Variants in MAP3K7 observed in about 807,000 individuals in gnomAD.
MAP3K7 encodes mitogen-activated protein kinase kinase kinase 7.
Under a neutral mutation model 84.8 loss-of-function variants are expected in MAP3K7, and 21 were observed. That is an observed-to-expected ratio of 0.25 (90% confidence interval 0.18 to 0.36). MAP3K7 has a LOEUF of 0.36. Ranked by LOEUF, MAP3K7 falls within the 10% of genes least tolerant of loss-of-function variation. The probability of loss-of-function intolerance (pLI) is 1.00; values close to 1 mark genes in which losing one functional copy is unlikely to be tolerated. For synonymous variants in MAP3K7, 241 were observed against 247.7 expected, an observed-to-expected ratio of 0.97 and a Z score of 0.25; for missense variants, 503 against 747.7, an observed-to-expected ratio of 0.67 and a Z score of 3.82.
intron 9 of MAP3K7, among the ~76,000 whole-genome samples, chr6:90,549,164 T>C (rs924505097): frequency 2.0e-5 from 3 of 151,944 alleles, no homozygotes; most frequent in African/African-American, 4.8e-5. Context: ...GAAGTATGGA[T>C]AGTTTAGCCA....
At chr6:90,527,757 C>T (rs1333391466) in intron 13 of MAP3K7, among the ~76,000 whole-genome samples, 2 of 151,132 alleles carry the variant, frequency 1.3e-5, no homozygotes, top group East Asian at 2.0e-4. Context: ...CACAAGTGCT[C>T]ATTTTATTTT....
At position 90,550,797 on chromosome 6, in the gene MAP3K7, TATGAA is replaced by T. The variant is rs1465093883; in HGVS notation, c.868-253_868-249del. Reference sequence around the variant, plus strand: ...CAGCAAATATTTCTCTAGAGAAACATATGAAATAAAATAGTATCATTTCTCATAAT... The same window carrying T: ...CAGCAAATATTTCTCTAGAGAAACATATAAAATAGTATCATTTCTCATAAT... On this transcript the variant is annotated intron_variant, in intron 8 of 16. Transcript: ENST00000369329. 9.1e-6 allele frequency: 3 copies of T among 329,804 alleles called. No homozygotes were observed. The Admixed American group carries it at 1.3e-4, about 15-fold the overall frequency. 20.4% of individuals were successfully genotyped at this position (329,804 alleles called of 1,614,324 possible).
intron 12 of MAP3K7, among the ~76,000 whole-genome samples, chr6:90,540,991 G>A (rs1452876173): frequency 3.3e-5 from 5 of 151,928 alleles, no homozygotes; most frequent in Admixed American, 2.0e-4. Flanking sequence ...GAAGGTGGGT[G>A]AAAAATAGAT....
At chr6:90,534,972 G>A (rs755875383) in intron 13 of MAP3K7, among the ~76,000 whole-genome samples, 12 of 151,966 alleles carry the variant, frequency 7.9e-5, no homozygotes, top group African/African-American at 1.9e-4. Context: ...GGGAGAAAAC[G>A]GGAAACTTCA....
intron 1 of MAP3K7, among the ~76,000 whole-genome samples, chr6:90,581,083 GTGTT>G (rs1041157742): frequency 5.3e-5 from 8 of 152,112 alleles, no homozygotes; most frequent in African/African-American, 1.9e-4. Context: ...CAGGTTTTGT[GTGTT>G]TGTGTGTTAT....
At chr6:90,579,461 A>C (rs962760271) in intron 1 of MAP3K7, among the ~76,000 whole-genome samples, 3 of 152,010 alleles carry the variant, frequency 2.0e-5, no homozygotes, top group Non-Finnish European at 4.4e-5. Context: ...TTTGTTTCTG[A>C]ATCTGTTCTC....
chr6:90,578,801 C>A lies in MAP3K7; in HGVS notation c.121-6994G>T, dbSNP rs1328877477. Among the ~76,000 whole-genome samples the A allele has an allele frequency of 2.0e-5, 3 of 152,196 alleles. No individual in the cohort carries two copies. In the East Asian group the frequency reaches 5.8e-4, roughly 29 times the overall value. ...ATAAAAAAAGCTTCCCAGGGCATTC[C>A]AATATACTTCTCATTCCTTTCTTCA... On this transcript the variant is annotated intron_variant, in intron 1 of 16. Transcript: ENST00000369329.
chr6:90,572,581 A>C (rs1776942458), intron 1 of MAP3K7, among the ~76,000 whole-genome samples: 1 of 151,572 alleles, frequency 6.6e-6, no homozygotes, highest in Non-Finnish European at 1.5e-5. Context: ...AAAAAAAAAA[A>C]CCAAAAACCT....
chr6:90,575,226 C>T (rs573055565), intron 1 of MAP3K7, among the ~76,000 whole-genome samples: 46 of 152,100 alleles, frequency 3.0e-4, no homozygotes, highest in Admixed American at 1.2e-3. Context: ...AATGAAAGTG[C>T]GGTAGAGAAG....
At chr6:90,578,160 GA>G (rs1777148838) in intron 1 of MAP3K7, among the ~76,000 whole-genome samples, 2 of 152,192 alleles carry the variant, frequency 1.3e-5, no homozygotes, top group African/African-American at 4.8e-5. Context: ...CTACTGAGTT[GA>G]AAAGAGGAAT....
chr6:90,542,297 T>C, intron 12 of MAP3K7: 1 of 983,814 alleles, frequency 1.0e-6, no homozygotes, highest in Non-Finnish European at 1.2e-6. Flanking sequence ...GTGTCAATTC[T>C]ACAGCTTGTA....
chr6:90,578,055 G>A (rs1171694994), intron 1 of MAP3K7, among the ~76,000 whole-genome samples: 2 of 152,108 alleles, frequency 1.3e-5, no homozygotes, highest in African/African-American at 2.4e-5. Flanking sequence ...TGAAATAACC[G>A]AATTAATCTT....
rs1292398766 is a variant in MAP3K7, at chr6:90,526,468, AAAG to A, written c.1357-2688_1357-2686del. On this transcript the variant is annotated intron_variant, in intron 13 of 16. Coordinates refer to ENST00000369329, the MANE Select transcript of MAP3K7 (RefSeq NM_145331.3). ...AACACTTCTAAATAACTCATTGGTC[AAAG>A]AAGAAAACAAAAGGGACATTAGAAA... Among the ~76,000 whole-genome samples the A allele has an allele frequency of 1.1e-4, 16 of 152,324 alleles. No homozygotes were observed. The East Asian group carries it at 2.5e-3, about 24-fold the overall frequency.
At chr6:90,560,373 T>G (rs1024987016) in intron 4 of MAP3K7, among the ~76,000 whole-genome samples, 159 bp from the exon 5 acceptor site, 1 of 152,252 alleles carries the variant, frequency 6.6e-6, no homozygotes, top group African/African-American at 2.4e-5. Context: ...TTTTTCTTTT[T>G]GTTTTTTGAG....
chr6:90,552,131 A>G lies in MAP3K7; in HGVS notation c.785T>C (p.Leu262Pro), dbSNP rs780812265. The change falls in exon 8 of 17, where the codon CTG becomes CCG. Residue 262 changes from leucine to proline, a missense_variant. Physicochemically the swap from Leu to Pro is moderately conservative, Grantham distance 98. Coordinates refer to ENST00000369329, the MANE Select transcript of MAP3K7 (RefSeq NM_145331.3). ...IKNLPKPIES[L>P]MTRCWSKDPS... is the part of the protein sequence containing the mutation. ...ATCTTTAGACCAACAACGAGTCATC[A>G]GGCTCTCAATGGGCTTAGGTAAATT... 6.2e-7 allele frequency: 1 copy of G among 1,613,122 alleles called. No individual in the cohort carries two copies. Among genetic ancestry groups the G allele is most frequent in the Non-Finnish European group, 8.5e-7 (1 of 1,179,278 alleles).
intron 11 of MAP3K7, among the ~76,000 whole-genome samples, chr6:90,545,995 G>A (rs2127970870): frequency 6.6e-6 from 1 of 152,248 alleles, no homozygotes; most frequent in East Asian, 1.9e-4. Flanking sequence ...CCATTTTGGA[G>A]CACAGGATAA....
Position 90,544,612 on chromosome 6 carries a change from C to T in MAP3K7, c.1231G>A (p.Gly411Ser). ...CCAAATGAAGCAGTTTTACGGTGGC[C>T]CCGTTTAGGCTTGGAATAGGCTGCA... is the stretch of plus-strand genomic sequence containing the variant. ...ATTAYSKPKR[G>S]HRKTASFGNI... is the part of the protein sequence containing the mutation. Residue 411 changes from glycine to serine, a missense_variant, in exon 12 of 17, where the codon GGC (glycine) becomes AGC (serine). Transcript: ENST00000369329. The T allele has an allele frequency of 6.2e-7, 1 of 1,612,340 alleles. No homozygotes were observed. The highest frequency in any genetic ancestry group is 8.5e-7 in the Non-Finnish European group (1 of 1,178,838).
chr6:90,558,510 C>G (rs9345030), intron 5 of MAP3K7, among the ~76,000 whole-genome samples: 5,427 of 152,134 alleles, frequency 0.036, 114 homozygotes, highest in African/African-American at 0.052. Context: ...AGACGATTTG[C>G]AAGATGAATC....
intron 13 of MAP3K7, among the ~76,000 whole-genome samples, chr6:90,524,016 A>G (rs368471286): frequency 4.6e-5 from 7 of 152,316 alleles, no homozygotes; most frequent in African/African-American, 1.4e-4. Flanking sequence ...GATTAGAAAC[A>G]AAACAATATC....
Sources: gnomAD v4.1 joint callset for allele counts (sites outside exome capture counted in the v4.1 genomes callset) on GRCh38, gnomAD v4.1.1 for gene constraint, MANE v1.5 for transcripts, NCBI Gene and HGNC (gene_info 2026-07-23, HGNC 2026-07-21) for gene names.